Variants in LSM12 observed in about 807,000 individuals in gnomAD.
The protein encoded by LSM12 is LSM12 homolog.
For missense variants in LSM12, 108 were observed against 238.9 expected (o/e 0.45, Z 3.61); for synonymous variants, 74 against 87.3 (o/e 0.85, Z 0.85).
At chr17:44,057,744 C>T (rs1272690140) in intron 2 of LSM12, among the ~76,000 whole-genome samples, 2 of 149,378 alleles carry the variant, frequency 1.3e-5, no homozygotes, top group African/African-American at 2.5e-5. Flanking sequence ...GGGAGACAGA[C>T]GGAGACTCTG....
chr17:44,052,217 C>T (rs1342327921), intron 2 of LSM12, among the ~76,000 whole-genome samples: 1 of 144,668 alleles, frequency 6.9e-6, no homozygotes, highest in African/African-American at 2.6e-5. Flanking sequence ...GTCTGGGCAA[C>T]AAAGCAAGTC....
chr17:44,066,232 C>T (rs1024153773), intron 1 of LSM12, among the ~76,000 whole-genome samples: 5 of 152,040 alleles, frequency 3.3e-5, no homozygotes, highest in Admixed American at 6.6e-5. Context: ...CCCACTGATC[C>T]TCGGTAAAGC....
Position 44,066,610 on chromosome 17 carries a change from G to A in LSM12, c.-23C>T. The A allele has an allele frequency of 3.1e-6, 4 of 1,300,052 alleles. No individual in the cohort carries two copies. The highest frequency in any genetic ancestry group is 3.9e-6 in the Non-Finnish European group (4 of 1,018,394). The allele number at this position is 1,300,052 out of a possible 1,614,324, so 80.5% of individuals were successfully genotyped here. On this transcript the variant is annotated 5_prime_UTR_variant, in exon 1 of 5. Transcript: ENST00000293406. Reference sequence around the variant, plus strand: ...CATCTTGGGAGTGCAGCCGCGGCCGGCGGCGGCGGCGGCAGCAGCGGGCGA... The same window carrying A: ...CATCTTGGGAGTGCAGCCGCGGCCGACGGCGGCGGCGGCAGCAGCGGGCGA...
chr17:44,047,570 A>G (rs751677299), intron 2 of LSM12, among the ~76,000 whole-genome samples: 1 of 149,882 alleles, frequency 6.7e-6, no homozygotes, highest in South Asian at 2.1e-4. Context: ...TATCATTATT[A>G]TTTTCTTTTT....
intron 2 of LSM12, among the ~76,000 whole-genome samples, chr17:44,058,887 C>G (rs2049757419): frequency 6.6e-6 from 1 of 151,992 alleles, no homozygotes; most frequent in African/African-American, 2.4e-5. Flanking sequence ...GTAGTCCCAG[C>G]TACTTGGGAG....
intron 2 of LSM12, among the ~76,000 whole-genome samples, chr17:44,040,937 C>A (rs1197916217): frequency 6.6e-6 from 1 of 151,584 alleles, no homozygotes; most frequent in African/African-American, 2.4e-5. Flanking sequence ...GCTGAGATCG[C>A]GCCACTGCAC....
chr17:44,059,559 A>G (rs2049768372), intron 2 of LSM12, among the ~76,000 whole-genome samples: 1 of 152,166 alleles, frequency 6.6e-6, no homozygotes, highest in African/African-American at 2.4e-5. Flanking sequence ...CTCAAAAAAA[A>G]GAATTCCCCC....
chr17:44,038,842 G>A (rs1180521254), intron 3 of LSM12, among the ~76,000 whole-genome samples: 3 of 152,184 alleles, frequency 2.0e-5, no homozygotes, highest in African/African-American at 7.2e-5. Context: ...GCGACTGGGA[G>A]TTCCTTCACA....
chr17:44,059,549 C>T (rs898150018), intron 2 of LSM12, among the ~76,000 whole-genome samples: 1 of 152,070 alleles, frequency 6.6e-6, no homozygotes, highest in Non-Finnish European at 1.5e-5. Context: ...GAGACCCTGT[C>T]TCAAAAAAAA....
At chr17:44,042,637 T>A (rs918502168) in intron 2 of LSM12, among the ~76,000 whole-genome samples, 4 of 151,268 alleles carry the variant, frequency 2.6e-5, no homozygotes, top group Admixed American at 2.6e-4. Context: ...CAAGCTCTGC[T>A]CACTGCAAGC....
intron 2 of LSM12, among the ~76,000 whole-genome samples, chr17:44,046,012 C>T (rs1374478307): frequency 4.1e-5 from 6 of 147,556 alleles, no homozygotes; most frequent in Non-Finnish European, 7.4e-5. Flanking sequence ...TCTTGGCTCA[C>T]TGCAAGCTCC....
chr17:44,061,974 C>A (rs2049800939), intron 2 of LSM12, among the ~76,000 whole-genome samples: 1 of 152,170 alleles, frequency 6.6e-6, no homozygotes, highest in African/African-American at 2.4e-5. Flanking sequence ...GTAATCCCAG[C>A]ACTTTGGGAG....
At chr17:44,066,436 G>A in intron 1 of LSM12, 28 bp downstream of exon 1, 1 of 1,548,086 alleles carries the variant, frequency 6.5e-7, no homozygotes, top group Non-Finnish European at 8.7e-7. Context: ...CGCCGGCCCG[G>A]ACTCGGGCTT....
In LSM12 at chr17:44,066,615, G is replaced by GGCGGCGGCA; in HGVS notation, c.-37_-29dup. ...TGGGAGTGCAGCCGCGGCCGGCGGCGGCGGCGGCAGCAGCGGGCGAAAGCC... is the reference window on the plus strand; with the variant it reads ...TGGGAGTGCAGCCGCGGCCGGCGGCGGCGGCGGCAGCGGCGGCAGCAGCGGGCGAAAGCC... On this transcript the variant is annotated 5_prime_UTR_variant, in exon 1 of 5. Coordinates refer to ENST00000293406, the MANE Select transcript of LSM12 (RefSeq NM_001371445.1). 1 of 1,324,018 alleles carries GGCGGCGGCA rather than the reference G, an allele frequency of 7.6e-7. No homozygotes were observed. Among genetic ancestry groups the GGCGGCGGCA allele is most frequent in the Non-Finnish European group, 9.7e-7 (1 of 1,033,500 alleles). The allele number at this position is 1,324,018 out of a possible 1,614,324, so 82.0% of individuals were successfully genotyped here. A position where few individuals can be genotyped will look rare whatever the true frequency, so the allele number is the denominator to read the frequency against.
At chr17:44,043,094 T>G (rs1279640442) in intron 2 of LSM12, among the ~76,000 whole-genome samples, 1 of 152,126 alleles carries the variant, frequency 6.6e-6, no homozygotes, top group East Asian at 1.9e-4. Flanking sequence ...GGTTTGACTA[T>G]GAAAAAAAAG....
intron 1 of LSM12, among the ~76,000 whole-genome samples, chr17:44,065,335 G>A (rs927217604): frequency 3.3e-5 from 5 of 151,768 alleles, no homozygotes; most frequent in Non-Finnish European, 7.4e-5. Flanking sequence ...CAGCTACTCC[G>A]GAGGCTGAGG....
chr17:44,064,011 C>G, intron 1 of LSM12, 77 bp from the exon 2 acceptor site: 3 of 1,512,432 alleles, frequency 2.0e-6, no homozygotes, highest in Non-Finnish European at 2.7e-6. Flanking sequence ...GCATAGAAAA[C>G]ACGATTCACA....
chr17:44,044,268 C>T (rs369538108), intron 2 of LSM12, among the ~76,000 whole-genome samples: 14 of 152,140 alleles, frequency 9.2e-5, no homozygotes, highest in African/African-American at 3.4e-4. Context: ...TAAATCTCAG[C>T]CAGAAGTGAT....
At chr17:44,040,443 G>A in intron 2 of LSM12, 187 bp from the exon 3 acceptor site, 2 of 521,516 alleles carry the variant, frequency 3.8e-6, no homozygotes, top group Non-Finnish European at 3.5e-6. Flanking sequence ...GGTATTCCAA[G>A]AAAACGTTCC....
Sources: gnomAD v4.1 joint callset for allele counts (sites outside exome capture counted in the v4.1 genomes callset) on GRCh38, gnomAD v4.1.1 for gene constraint, MANE v1.5 for transcripts, NCBI Gene and HGNC (gene_info 2026-07-23, HGNC 2026-07-21) for gene names.